The following FTO variants were observed in gnomAD, a reference collection of about 807,000 sequenced individuals.
The protein encoded by FTO is alpha-ketoglutarate-dependent dioxygenase FTO.
Under a neutral mutation model 63.9 loss-of-function variants are expected in FTO, and 47 were observed. The ratio of observed to expected loss-of-function variants is 0.74; its 90% confidence interval spans 0.58 to 0.94. The LOEUF (loss-of-function observed/expected upper bound fraction) is 0.94, where lower values mean the gene tolerates loss of function less well. Ranked by LOEUF, FTO falls within the 40% of genes least tolerant of loss-of-function variation. FTO has a pLI of 0.00. For missense variants in FTO, 562 were observed against 618.1 expected, an observed-to-expected ratio of 0.91 and a Z score of 0.96; for synonymous variants, 207 against 224.4, an observed-to-expected ratio of 0.92 and a Z score of 0.69.
Position 53,916,972 on chromosome 16 carries a change from C to T in FTO, c.1240-17013C>T, listed in dbSNP as rs546587244. On this transcript the variant is annotated intron_variant, in intron 7 of 8. Coordinates refer to ENST00000471389, the MANE Select transcript of FTO (RefSeq NM_001080432.3). ...CTGTGTGTCCAAGTGAGACTGTAGT[C>T]GGGGAGAGTCCCTGATTGGAGTCTC... Among the ~76,000 whole-genome samples, 140 of 152,240 alleles carry T rather than the reference C, an allele frequency of 9.2e-4. 4 individuals are homozygous for T. The highest frequency in any genetic ancestry group is 4.1e-4 in the South Asian group (2 of 4,820).
At chr16:53,814,536 G>T (rs56327688) in intron 2 of FTO, 4,962 of 152,358 alleles carry the variant, frequency 0.033, 125 homozygotes, top group Middle Eastern at 0.088. Flanking sequence ...TAAGACTTAT[G>T]TGCAGGATAT....
intron 8 of FTO, among the ~76,000 whole-genome samples, chr16:54,004,437 T>C (rs1418403057): frequency 6.6e-6 from 1 of 152,126 alleles, no homozygotes; most frequent in Non-Finnish European, 1.5e-5. Flanking sequence ...GGTTTTTTTT[T>C]AATTTAGCAA....
At position 53,899,778 on chromosome 16, in the gene FTO, G is replaced by A. The variant is rs560169608; in HGVS notation, c.1239+10827G>A. ...ACGGGAATAGGGGAATACAAACCAG[G>A]GGAGACCTTTGGACTGGAAAGCTTT... On this transcript the variant is annotated intron_variant, in intron 7 of 8. Coordinates refer to ENST00000471389, the MANE Select transcript of FTO (RefSeq NM_001080432.3). Among the ~76,000 whole-genome samples, 110 of 152,248 alleles carry A rather than the reference G, an allele frequency of 7.2e-4. 2 individuals carry two copies. The highest frequency in any genetic ancestry group is 2.6e-3 in the African/African-American group (107 of 41,548).
intron 8 of FTO, among the ~76,000 whole-genome samples, chr16:54,015,806 A>C (rs2084430798): frequency 6.6e-6 from 1 of 152,228 alleles, no homozygotes; most frequent in African/African-American, 2.4e-5. Context: ...CTGAGACTTC[A>C]TACAGTGACT....
Position 53,820,722 on chromosome 16 carries a change from T to A in FTO, c.124-5142T>A, listed in dbSNP as rs560669923. On this transcript the variant is annotated intron_variant, in intron 2 of 8. Coordinates refer to ENST00000471389, the MANE Select transcript of FTO (RefSeq NM_001080432.3). ...CAATTCCCACCTATGAGTGAGAATA[T>A]GCGGTGTTTGGTTTTTTGTTCTTGC... Among the ~76,000 whole-genome samples, 272 of 151,242 alleles carry A rather than the reference T, an allele frequency of 1.8e-3. 1 individual carries two copies. Among genetic ancestry groups the A allele is most frequent in the African/African-American group, 6.3e-3 (259 of 41,228 alleles).
At chr16:53,917,711 T>A (rs1034096256) in intron 7 of FTO, among the ~76,000 whole-genome samples, 1 of 109,414 alleles carries the variant, frequency 9.1e-6, no homozygotes, top group African/African-American at 3.4e-5. Flanking sequence ...ATTGAGTGAG[T>A]GTGTGTGTGT....
chr16:54,000,214 A>T (rs567139092), intron 8 of FTO, among the ~76,000 whole-genome samples: 1 of 152,298 alleles, frequency 6.6e-6, no homozygotes, highest in Middle Eastern at 3.4e-3. Context: ...TTGTCACCTC[A>T]TGTTGACATT....
intron 7 of FTO, among the ~76,000 whole-genome samples, chr16:53,923,596 T>C (rs549570421): frequency 1.8e-3 from 269 of 152,322 alleles, no homozygotes; most frequent in Non-Finnish European, 3.4e-3. Context: ...GAGGGGCTGC[T>C]GGCGCCAAGG....
intron 8 of FTO, among the ~76,000 whole-genome samples, chr16:54,097,674 T>G (rs2086547778): frequency 6.6e-6 from 1 of 152,200 alleles, no homozygotes; most frequent in African/African-American, 2.4e-5. Flanking sequence ...TTTGAGGATA[T>G]AGCAGTGAGC....
intron 8 of FTO, among the ~76,000 whole-genome samples, chr16:54,081,242 G>C (rs761905391): frequency 2.6e-5 from 4 of 152,160 alleles, no homozygotes; most frequent in Non-Finnish European, 5.9e-5. Flanking sequence ...AGTGATACGA[G>C]AACAGGGGCT....
At chr16:54,081,818 G>A (rs113881804) in intron 8 of FTO, among the ~76,000 whole-genome samples, 2,142 of 152,296 alleles carry the variant, frequency 0.014, 48 homozygotes, top group African/African-American at 0.049. Context: ...ACCCCATTCT[G>A]ATGATTAAAT....
chr16:54,074,909 A>T (rs1304155027), intron 8 of FTO, among the ~76,000 whole-genome samples: 1 of 115,670 alleles, frequency 8.6e-6, no homozygotes, highest in South Asian at 3.2e-4. Flanking sequence ...AGAGAGAGAG[A>T]GAGAGAGAGT....
chr16:53,994,331 A>G (rs1005585281), intron 8 of FTO: 1 of 151,788 alleles, frequency 6.6e-6, no homozygotes, highest in Non-Finnish European at 1.5e-5. Context: ...TGTTCTCTCC[A>G]TGGATTCTTT....
intron 8 of FTO, among the ~76,000 whole-genome samples, chr16:54,021,868 A>C (rs2084610431): frequency 6.6e-6 from 1 of 152,160 alleles, no homozygotes; most frequent in Non-Finnish European, 1.5e-5. Context: ...GAGCCTTTAA[A>C]ATGAAATATG....
intron 8 of FTO, among the ~76,000 whole-genome samples, chr16:53,943,320 T>C (rs927589002): frequency 6.6e-6 from 1 of 152,242 alleles, no homozygotes; most frequent in East Asian, 1.9e-4. Flanking sequence ...AACAGTTTTA[T>C]GGGGGACAAA....
intron 1 of FTO, among the ~76,000 whole-genome samples, chr16:53,806,612 C>T (rs924231436): frequency 1.3e-5 from 2 of 152,146 alleles, no homozygotes; most frequent in Non-Finnish European, 2.9e-5. Flanking sequence ...ATTCCACTGT[C>T]CCCTGTGGCT....
chr16:53,718,951 A>G (rs963492555), intron 1 of FTO, among the ~76,000 whole-genome samples: 1 of 152,192 alleles, frequency 6.6e-6, no homozygotes, highest in Non-Finnish European at 1.5e-5. Context: ...GAATCTTTGA[A>G]TGGGGCATAT....
intron 1 of FTO, among the ~76,000 whole-genome samples, chr16:53,774,229 T>G (rs1420139950): frequency 1.3e-5 from 2 of 152,202 alleles, no homozygotes; most frequent in Non-Finnish European, 2.9e-5. Flanking sequence ...GCTTTGATTC[T>G]CTCATTTCTT....
At chr16:53,964,672 G>T (rs2083157964) in intron 8 of FTO, among the ~76,000 whole-genome samples, 1 of 152,166 alleles carries the variant, frequency 6.6e-6, no homozygotes, top group Non-Finnish European at 1.5e-5. Context: ...CAATTCTCAA[G>T]ATGCAATTTG....
Sources: gnomAD v4.1 joint callset for allele counts (sites outside exome capture counted in the v4.1 genomes callset) on GRCh38, gnomAD v4.1.1 for gene constraint, MANE v1.5 for transcripts, NCBI Gene and HGNC (gene_info 2026-07-23, HGNC 2026-07-21) for gene names.